Variants in HCN1 observed in about 807,000 individuals in gnomAD.
HCN1 encodes the protein hyperpolarization activated cyclic nucleotide gated potassium channel 1.
A neutral mutation model predicts 78.9 loss-of-function variants in HCN1; 13 were observed. That is an observed-to-expected ratio of 0.16 (90% CI 0.11 to 0.26). The LOEUF (loss-of-function observed/expected upper bound fraction) is 0.26. HCN1 is among the 10% of genes least tolerant of loss of function. The pLI is 1.00. For synonymous variants in HCN1, 552 were observed against 455.5 expected (o/e 1.21, Z -2.70); for missense variants, 810 against 1,154.3 (o/e 0.70, Z 4.32).
At chr5:45,691,074 C>T (rs1036603329) in intron 1 of HCN1, among the ~76,000 whole-genome samples, 3 of 152,006 alleles carry the variant, frequency 2.0e-5, no homozygotes, top group African/African-American at 7.2e-5. Flanking sequence ...ATTTATCTTG[C>T]TTTGTGGTGG....
chr5:45,330,481 A>T (rs1193497433), intron 5 of HCN1, among the ~76,000 whole-genome samples: 1 of 150,944 alleles, frequency 6.6e-6, no homozygotes, highest in Non-Finnish European at 1.5e-5. Context: ...ATGATTTTAC[A>T]TATATATGTT....
At chr5:45,644,012 C>T (rs1024690559) in intron 2 of HCN1, 20 of 151,876 alleles carry the variant, frequency 1.3e-4, no homozygotes, top group Non-Finnish European at 2.8e-4. Context: ...ATTTTTATGC[C>T]TTTTTATCAG....
chr5:45,562,421 T>C (rs1194307072), intron 2 of HCN1, among the ~76,000 whole-genome samples: 1 of 152,060 alleles, frequency 6.6e-6, no homozygotes, highest in Non-Finnish European at 1.5e-5. Flanking sequence ...CCTGTAATCC[T>C]AACACTTTGG....
At chr5:45,653,338 A>G (rs531571513) in intron 1 of HCN1, among the ~76,000 whole-genome samples, 5 of 152,222 alleles carry the variant, frequency 3.3e-5, no homozygotes, top group East Asian at 1.9e-4. Context: ...ATTTCTCTAC[A>G]TGATTTTCAG....
At position 45,261,612 on chromosome 5, in the gene HCN1, G is replaced by A. The variant is rs1744736130; in HGVS notation, c.*309C>T. 4.8e-6 allele frequency: 1 copy of A among 209,060 alleles called. No homozygotes were observed. Among genetic ancestry groups the A allele is most frequent in the Non-Finnish European group, 9.8e-6 (1 of 102,474 alleles). 13.0% of individuals were successfully genotyped at this position (209,060 alleles called of 1,614,324 possible). A position where few individuals can be genotyped will look rare whatever the true frequency, so the allele number is the denominator to read the frequency against. ...AAAATAGAGAAATATACATATCAAA[G>A]GACTTAAGTAAAAGTAGGTTAGAAA... On this transcript the variant is annotated 3_prime_UTR_variant, in exon 8 of 8. Transcript: ENST00000303230.
intron 1 of HCN1, among the ~76,000 whole-genome samples, chr5:45,688,220 T>C (rs1177817788): frequency 1.3e-5 from 2 of 152,156 alleles, no homozygotes; most frequent in Non-Finnish European, 2.9e-5. Context: ...AATGATTAGG[T>C]TCAATCCATC....
intron 2 of HCN1, among the ~76,000 whole-genome samples, chr5:45,639,516 G>T (rs62369135): frequency 3.3e-5 from 5 of 151,950 alleles, no homozygotes; most frequent in African/African-American, 4.8e-5. Flanking sequence ...AAATAATGTC[G>T]CAGTTGAAAT....
chr5:45,682,278 T>TATATATAC (rs1240606626), intron 1 of HCN1, among the ~76,000 whole-genome samples: 22 of 113,810 alleles, frequency 1.9e-4, no homozygotes, highest in African/African-American at 7.4e-4. Context: ...TATACATATA[T>TATATATAC]ATATATATAT....
At chr5:45,587,604 C>T (rs1038926027) in intron 2 of HCN1, among the ~76,000 whole-genome samples, 10 of 151,548 alleles carry the variant, frequency 6.6e-5, no homozygotes, top group African/African-American at 1.9e-4. Flanking sequence ...ATGTAAATGA[C>T]GAGTGAATGG....
At chr5:45,614,482 C>T (rs551619173) in intron 2 of HCN1, among the ~76,000 whole-genome samples, 2 of 152,026 alleles carry the variant, frequency 1.3e-5, no homozygotes, top group African/African-American at 4.8e-5. Flanking sequence ...AAAGGAGACA[C>T]AAAAAGAAAG....
rs757283749 is a variant in HCN1, at chr5:45,262,362, C to A, written c.2232G>T (p.Pro744=). ...PQQQVQQSQP[P]QTQPQQPSPQ... Reference sequence around the variant, plus strand: ...GGGACGGCTGCTGTGGCTGAGTCTGCGGCGGCTGGGACTGCTGTACCTGCT... The same window carrying A: ...GGGACGGCTGCTGTGGCTGAGTCTGAGGCGGCTGGGACTGCTGTACCTGCT... Residue 744 remains proline, a synonymous_variant, in exon 8 of 8, where the codon CCG becomes CCT. Transcript: ENST00000303230. The A allele has an allele frequency of 1.9e-6, 3 of 1,612,256 alleles. No individual in the cohort carries two copies. The highest frequency in any genetic ancestry group is 2.2e-5 in the South Asian group (2 of 91,028).
intron 2 of HCN1, among the ~76,000 whole-genome samples, chr5:45,573,680 T>A: frequency 6.6e-6 from 1 of 151,884 alleles, no homozygotes; most frequent in East Asian, 1.9e-4. Flanking sequence ...ACTATATACT[T>A]AAAAAAAATC....
At chr5:45,340,017 C>T (rs1746541939) in intron 5 of HCN1, among the ~76,000 whole-genome samples, 1 of 152,140 alleles carries the variant, frequency 6.6e-6, no homozygotes, top group African/African-American at 2.4e-5. Flanking sequence ...CTCCCAGGTT[C>T]AAGTGATTCT....
At chr5:45,267,908 C>T (rs1284389688) in intron 6 of HCN1, among the ~76,000 whole-genome samples, 2 of 151,844 alleles carry the variant, frequency 1.3e-5, no homozygotes, top group Admixed American at 6.6e-5. Context: ...AAAAGAGATG[C>T]AGAAAATGGA....
chr5:45,661,349 G>T (rs1745932713), intron 1 of HCN1, among the ~76,000 whole-genome samples: 1 of 149,762 alleles, frequency 6.7e-6, no homozygotes, highest in African/African-American at 2.5e-5. Flanking sequence ...ACAAGAGAAA[G>T]CAGGAAAGAT....
intron 2 of HCN1, among the ~76,000 whole-genome samples, chr5:45,533,068 G>C (rs1304521710): frequency 6.6e-6 from 1 of 152,124 alleles, no homozygotes; most frequent in African/African-American, 2.4e-5. Context: ...CTAAGATTTC[G>C]AGCTCTGAGG....
At chr5:45,457,252 A>T (rs1741047044) in intron 3 of HCN1, among the ~76,000 whole-genome samples, 1 of 152,112 alleles carries the variant, frequency 6.6e-6, no homozygotes, top group African/African-American at 2.4e-5. Flanking sequence ...GTTAACGTGC[A>T]TCATTTATTT....
At chr5:45,297,548 G>T (rs1192411593) in intron 6 of HCN1, among the ~76,000 whole-genome samples, 4 of 152,044 alleles carry the variant, frequency 2.6e-5, no homozygotes, top group Admixed American at 2.6e-4. Flanking sequence ...AGGAATAAAT[G>T]ATATCAATTC....
At chr5:45,587,538 G>A (rs1342414415) in intron 2 of HCN1, among the ~76,000 whole-genome samples, 2 of 149,338 alleles carry the variant, frequency 1.3e-5, no homozygotes, top group Admixed American at 6.7e-5. Flanking sequence ...ATCACACACT[G>A]GGGCCTCTTG....
Sources: gnomAD v4.1 joint callset for allele counts (sites outside exome capture counted in the v4.1 genomes callset) on GRCh38, gnomAD v4.1.1 for gene constraint, MANE v1.5 for transcripts, NCBI Gene and HGNC (gene_info 2026-07-23, HGNC 2026-07-21) for gene names.